Variants in CAMK2D observed in about 807,000 individuals in gnomAD.
CAMK2D encodes calcium/calmodulin dependent protein kinase II delta, also known as calcium/calmodulin-dependent protein kinase type II subunit delta.
CAMK2D carries 37 observed loss-of-function variants against 84.0 expected under a neutral mutation model. The observed-to-expected ratio is 0.44, with a 90% CI of 0.34 to 0.58. The LOEUF (loss-of-function observed/expected upper bound fraction) is 0.58, where lower values mean the gene tolerates loss of function less well. Ranked by LOEUF, CAMK2D falls within the 20% of genes least tolerant of loss-of-function variation. CAMK2D has a pLI of 0.02. For missense variants in CAMK2D, 448 were observed against 652.5 expected (o/e 0.69, Z 3.41); for synonymous variants, 202 against 212.5 (o/e 0.95, Z 0.43).
chr4:113,547,534 T>A (rs1166041821), intron 6 of CAMK2D, 110 bp downstream of exon 6: 1 of 551,040 alleles, frequency 1.8e-6, no homozygotes, highest in African/African-American at 1.9e-5. Flanking sequence ...CGTGCTGGAA[T>A]AAGTCCACAC....
At chr4:113,510,938 C>A (rs2098204132) in intron 12 of CAMK2D, among the ~76,000 whole-genome samples, 1 of 151,968 alleles carries the variant, frequency 6.6e-6, no homozygotes, top group Admixed American at 6.6e-5. Flanking sequence ...TTGCCTGGAG[C>A]TAAAAAGCAG....
chr4:113,516,724 C>T (rs1326182410), intron 9 of CAMK2D, among the ~76,000 whole-genome samples: 2 of 152,126 alleles, frequency 1.3e-5, no homozygotes, highest in East Asian at 3.8e-4. Flanking sequence ...TCACATTGAG[C>T]TTTCAACTTG....
At chr4:113,602,032 A>G (rs911910415) in intron 4 of CAMK2D, among the ~76,000 whole-genome samples, 1 of 152,052 alleles carries the variant, frequency 6.6e-6, no homozygotes, top group Non-Finnish European at 1.5e-5. Flanking sequence ...TTGAAACAAA[A>G]TTTGTAGACT....
At chr4:113,711,417 C>CA (rs2099492225) in intron 2 of CAMK2D, among the ~76,000 whole-genome samples, 1 of 151,864 alleles carries the variant, frequency 6.6e-6, no homozygotes, top group Non-Finnish European at 1.5e-5. Context: ...GAAATAAATT[C>CA]AAAACCTAAA....
At chr4:113,755,346 C>T (rs891224935) in intron 2 of CAMK2D, among the ~76,000 whole-genome samples, 2 of 151,846 alleles carry the variant, frequency 1.3e-5, no homozygotes, top group African/African-American at 4.8e-5. Flanking sequence ...ATCAAAATGA[C>T]TTAACTGATT....
intron 2 of CAMK2D, among the ~76,000 whole-genome samples, chr4:113,716,164 T>A (rs1006452291): frequency 1.3e-5 from 2 of 152,170 alleles, no homozygotes; most frequent in African/African-American, 4.8e-5. Flanking sequence ...GCTGTACTAG[T>A]TAAATTTAGT....
At chr4:113,519,698 G>A (rs550643822) in intron 8 of CAMK2D, among the ~76,000 whole-genome samples, 1 of 152,218 alleles carries the variant, frequency 6.6e-6, no homozygotes, top group East Asian at 1.9e-4. Context: ...ACAAGTATGA[G>A]ACTCATGGCA....
At chr4:113,504,831 C>CAAAAAAAAAAA (rs35574643) in intron 14 of CAMK2D, 145 bp downstream of exon 14, 1 of 228,206 alleles carries the variant, frequency 4.4e-6, no homozygotes, top group Non-Finnish European at 7.3e-6. Context: ...TCATAGAAAG[C>CAAAAAAAAAAA]AAAAAAAAAA....
chr4:113,515,262 C>T, intron 9 of CAMK2D, 71 bp from the exon 10 acceptor site: 2 of 978,020 alleles, frequency 2.0e-6, no homozygotes, highest in Non-Finnish European at 3.0e-6. Flanking sequence ...GAGTCAACTA[C>T]ATGAATCATT....
At chr4:113,651,636 C>T (rs79674031) in intron 3 of CAMK2D, among the ~76,000 whole-genome samples, 1 of 152,174 alleles carries the variant, frequency 6.6e-6, no homozygotes, top group East Asian at 1.9e-4. Flanking sequence ...ACTATCTGGT[C>T]CTGATTTCTT....
intron 3 of CAMK2D, among the ~76,000 whole-genome samples, chr4:113,657,737 T>C (rs2099208363): frequency 6.6e-6 from 1 of 152,204 alleles, no homozygotes; most frequent in African/African-American, 2.4e-5. Context: ...AGAAACCTTT[T>C]GCTTGCTGCA....
At chr4:113,570,231 C>T (rs1247500679) in intron 4 of CAMK2D, among the ~76,000 whole-genome samples, 2 of 152,068 alleles carry the variant, frequency 1.3e-5, no homozygotes, top group African/African-American at 4.8e-5. Context: ...TATGCAATCC[C>T]TACCAAAATT....
intron 16 of CAMK2D, among the ~76,000 whole-genome samples, chr4:113,480,121 C>T (rs1417635273): frequency 1.3e-5 from 2 of 152,048 alleles, no homozygotes; most frequent in African/African-American, 2.4e-5. Flanking sequence ...GCCGCCACAC[C>T]GGCTAATTTC....
chr4:113,754,111 A>G (rs2099623191), intron 2 of CAMK2D: 1 of 877,046 alleles, frequency 1.1e-6, no homozygotes, highest in African/African-American at 1.8e-5. Flanking sequence ...TATGTTTTAC[A>G]GTTAAAATAT....
At chr4:113,668,828 TAAATA>T (rs1340077280) in intron 2 of CAMK2D, among the ~76,000 whole-genome samples, 1 of 152,160 alleles carries the variant, frequency 6.6e-6, no homozygotes, top group African/African-American at 2.4e-5. Context: ...AATTTGTAAA[TAAATA>T]AAATTGTTCG....
intron 3 of CAMK2D, among the ~76,000 whole-genome samples, chr4:113,642,203 A>G (rs1239120372): frequency 6.6e-6 from 1 of 152,012 alleles, no homozygotes; most frequent in African/African-American, 2.4e-5. Context: ...AGTCAAACTC[A>G]CCCCAAATGT....
intron 2 of CAMK2D, among the ~76,000 whole-genome samples, chr4:113,729,448 G>C (rs1220258493): frequency 6.6e-6 from 1 of 152,104 alleles, no homozygotes; most frequent in Non-Finnish European, 1.5e-5. Flanking sequence ...TGTTCTTCCA[G>C]CATGGCAAAT....
chr4:113,738,935 C>A (rs970529823), intron 2 of CAMK2D, among the ~76,000 whole-genome samples: 1 of 152,012 alleles, frequency 6.6e-6, no homozygotes, highest in Middle Eastern at 3.4e-3. Context: ...TAACACATCC[C>A]AAAAATGGGT....
At chr4:113,605,857 G>A (rs979604726) in intron 4 of CAMK2D, among the ~76,000 whole-genome samples, 1 of 152,060 alleles carries the variant, frequency 6.6e-6, no homozygotes, top group African/African-American at 2.4e-5. Context: ...GCCTGCTAAA[G>A]AACAGTTAGT....
Sources: gnomAD v4.1 joint callset for allele counts (sites outside exome capture counted in the v4.1 genomes callset) on GRCh38, gnomAD v4.1.1 for gene constraint, MANE v1.5 for transcripts, NCBI Gene and HGNC (gene_info 2026-07-23, HGNC 2026-07-21) for gene names.